The following COL6A3 variants were observed in gnomAD, a reference collection of about 807,000 sequenced individuals.
The protein encoded by COL6A3 is collagen alpha-3(VI) chain.
In COL6A3, 137 loss-of-function variants were observed where a neutral mutation model predicts 274.1. The observed-to-expected ratio is 0.50, with a 90% CI of 0.44 to 0.58. The LOEUF is 0.58. COL6A3 is among the 20% of genes least tolerant of loss of function. The pLI, the probability that COL6A3 is intolerant of heterozygous loss-of-function variation, is 0.00. For missense variants in COL6A3, 3,950 were observed against 4,124.9 expected, an observed-to-expected ratio of 0.96 and a Z score of 1.16; for synonymous variants, 1,650 against 1,650.6, an observed-to-expected ratio of 1.00 and a Z score of 0.01.
chr2:237,376,743 G>A (rs886439585), intron 7 of COL6A3, 29 bp downstream of exon 7: 4 of 1,607,294 alleles, frequency 2.5e-6, no homozygotes, highest in African/African-American at 1.3e-5. Flanking sequence ...GAACTGAGTG[G>A]CAGAGCAACT....
chr2:237,355,760 C>G (rs1319996892), intron 23 of COL6A3: 1 of 152,208 alleles, frequency 6.6e-6, no homozygotes, highest in Non-Finnish European at 1.5e-5. Context: ...CTGCGGTGAC[C>G]AGTTTGCCAT....
At chr2:237,392,268 A>G (rs2078308202) in intron 3 of COL6A3, among the ~76,000 whole-genome samples, 1 of 152,220 alleles carries the variant, frequency 6.6e-6, no homozygotes, top group Non-Finnish European at 1.5e-5. Context: ...TGCTCAAGAC[A>G]GCTAGTTCCT....
At chr2:237,412,234 A>G (rs943620034) in intron 1 of COL6A3, among the ~76,000 whole-genome samples, 2 of 152,208 alleles carry the variant, frequency 1.3e-5, no homozygotes, top group Non-Finnish European at 2.9e-5. Flanking sequence ...CCCCTCCTTC[A>G]GCGCCCTCCA....
Position 237,350,298 on chromosome 2 carries a change from G to T in COL6A3, c.6817-89C>A, listed in dbSNP as rs2077179097. ...CCATGCTTTTGCTCTAGGTAAGGGTGCTGCAACATGCTGACTTCACCTTTG... is the reference window on the plus strand; with the variant it reads ...CCATGCTTTTGCTCTAGGTAAGGGTTCTGCAACATGCTGACTTCACCTTTG... On this transcript the variant is annotated intron_variant, in intron 27 of 43. Coordinates refer to ENST00000295550, the MANE Select transcript of COL6A3 (RefSeq NM_004369.4). 48 of 1,121,652 alleles carry T rather than the reference G, an allele frequency of 4.3e-5. No homozygotes were observed. In the South Asian group the frequency reaches 6.0e-4, roughly 14 times the overall value. 69.5% of individuals were successfully genotyped at this position (1,121,652 alleles called of 1,614,324 possible).
Position 237,388,020 on chromosome 2 carries a change from T to C in COL6A3, c.874A>G (p.Thr292Ala). Reference sequence around the variant, plus strand: ...GAGTAGGTGTCCAAGGAGAACATGGTTCTGGGCTCATCGCTAAACTGGACC... The same window carrying C: ...GAGTAGGTGTCCAAGGAGAACATGGCTCTGGGCTCATCGCTAAACTGGACC... ...GVVQFSDEPR[T>A]MFSLDTYSTK... Residue 292 changes from threonine to alanine, a missense_variant, in exon 4 of 44, where the codon ACC becomes GCC. Coordinates refer to ENST00000295550, the MANE Select transcript of COL6A3 (RefSeq NM_004369.4). 1 of 1,614,140 alleles carries C rather than the reference T, an allele frequency of 6.2e-7. No individual in the cohort carries two copies. Among genetic ancestry groups the C allele is most frequent in the Non-Finnish European group, 8.5e-7 (1 of 1,180,034 alleles).
intron 39 of COL6A3, among the ~76,000 whole-genome samples, chr2:237,337,595 T>C (rs577297424): frequency 6.6e-6 from 1 of 152,338 alleles, no homozygotes; most frequent in Middle Eastern, 3.4e-3. Context: ...TCAAGGATCA[T>C]TTGCGTTCAC....
At chr2:237,359,313 A>G in intron 18 of COL6A3, 49 bp downstream of exon 18, 1 of 1,614,132 alleles carries the variant, frequency 6.2e-7, no homozygotes. Context: ...AAGAAATGAG[A>G]AATACTGGGA....
intron 41 of COL6A3, 69 bp downstream of exon 41, chr2:237,334,557 T>C: frequency 6.6e-7 from 1 of 1,518,082 alleles, no homozygotes; most frequent in South Asian, 1.1e-5. Flanking sequence ...TAAGTAAGTG[T>C]CTCCTTTGTG....
chr2:237,411,973 C>T (rs2078867508), intron 1 of COL6A3, among the ~76,000 whole-genome samples: 1 of 152,200 alleles, frequency 6.6e-6, no homozygotes, highest in East Asian at 1.9e-4. Context: ...AAAGCCAGGA[C>T]AGCCTCACTT....
chr2:237,378,768 T>C lies in COL6A3; in HGVS notation c.2365A>G (p.Ile789Val). The C allele has an allele frequency of 6.2e-7, 1 of 1,614,206 alleles. No individual in the cohort carries two copies. Among genetic ancestry groups the C allele is most frequent in the South Asian group, 1.1e-5 (1 of 91,086 alleles). ...TACACCAGGCTTGGGTTAAAAGCAA[T>C]CTGCTCAAGCTCTGCCTTATTCGCC... ...SQANKAELEQIAFNPSLVYLM... is the reference protein window; with the variant it reads ...SQANKAELEQVAFNPSLVYLM... Residue 789 changes from isoleucine to valine, a missense_variant, in exon 6 of 44, where the codon ATT becomes GTT. This residue lies in a region of COL6A3 where 1,934 missense variants were observed against 1,984.3 expected (regional missense o/e 0.97). Coordinates refer to ENST00000295550, the MANE Select transcript of COL6A3 (RefSeq NM_004369.4).
rs906988514 is a variant in COL6A3, at chr2:237,325,479, A to C, written c.9493+81T>G. On this transcript the variant is annotated intron_variant, in intron 43 of 43. Transcript: ENST00000295550. ...TTTTCACATGTATCATAATCATTGC[A>C]CTTCTAATATTTTTCAAGGTGACTT... The C allele has an allele frequency of 7.7e-6, 11 of 1,420,094 alleles. No homozygotes were observed. The African/African-American group carries it at 1.4e-4, about 18-fold the overall frequency. 88.0% of individuals were successfully genotyped at this position (1,420,094 alleles called of 1,614,324 possible). A position where few individuals can be genotyped will look rare whatever the true frequency, so the allele number is the denominator to read the frequency against.
In COL6A3 at chr2:237,333,486, T is replaced by C. The variant is rs115303741; in HGVS notation, c.9292A>G (p.Met3098Val). ...AGAGCCAATGGTTCTGTGCTCACCA[T>C]TAGATTGATGGTTGAACTAGAAGCT... Reference protein sequence around the residue: ...RSASSSTINLMVSTEPLALTE... With the variant: ...RSASSSTINLVVSTEPLALTE... Residue 3098 changes from methionine to valine, a missense_variant, in exon 42 of 44, where the codon ATG becomes GTG. Met to Val is a conservative substitution (Grantham distance 21). This residue lies in a region of COL6A3 where 1,284 missense variants were observed against 1,349.7 expected (regional missense o/e 0.95). Transcript: ENST00000295550. 4.3e-6 allele frequency: 7 copies of C among 1,614,194 alleles called. No homozygotes were observed. In the East Asian group the frequency reaches 1.1e-4, roughly 26 times the overall value.
chr2:237,356,411 A>C (rs1355245397), intron 23 of COL6A3, among the ~76,000 whole-genome samples: 1 of 152,222 alleles, frequency 6.6e-6, no homozygotes, highest in Non-Finnish European at 1.5e-5. Context: ...ATATTTTCAA[A>C]ATTTCTATTT....
chr2:237,333,032 C>A (rs1700344335), intron 42 of COL6A3: 2 of 316,240 alleles, frequency 6.3e-6, no homozygotes, highest in African/African-American at 2.1e-5. Flanking sequence ...AGATCCAAAC[C>A]CATGCATTTC....
intron 6 of COL6A3, among the ~76,000 whole-genome samples, chr2:237,377,911 C>T (rs2077893954): frequency 6.6e-6 from 1 of 152,356 alleles, no homozygotes; most frequent in African/African-American, 2.4e-5. Flanking sequence ...GTCAATGCTT[C>T]CCAATCTGTT....
chr2:237,394,091 G>A (rs375896376), intron 3 of COL6A3, among the ~76,000 whole-genome samples: 32 of 152,236 alleles, frequency 2.1e-4, no homozygotes, highest in African/African-American at 6.7e-4. Context: ...TTGTAATTCC[G>A]ATTCTACCAA....
rs531229511 is a variant in COL6A3 at position 237,406,163 on chromosome 2, C to T, written c.-31+7790G>A. Among the ~76,000 whole-genome samples the T allele has an allele frequency of 3.3e-5, 5 of 152,286 alleles. No individual in the cohort carries two copies. The South Asian group carries it at 1.0e-3, about 32-fold the overall frequency. On this transcript the variant is annotated intron_variant, in intron 1 of 43. Coordinates refer to ENST00000295550, the MANE Select transcript of COL6A3 (RefSeq NM_004369.4). The stretch of plus-strand genomic sequence containing the variant: ...AGATTGCCCTACATGGCCCTTCAAC[C>T]TGAAATCATATTCAATCATATTCCA...
At chr2:237,382,427 T>A (rs2078032228) in intron 4 of COL6A3, among the ~76,000 whole-genome samples, 1 of 152,014 alleles carries the variant, frequency 6.6e-6, no homozygotes, top group African/African-American at 2.4e-5. Context: ...CTAAGTAATA[T>A]GACAGTGATA....
At position 237,352,702 on chromosome 2, in the gene COL6A3, C is replaced by A. The variant is rs112279150; in HGVS notation, c.6691-118G>T. On this transcript the variant is annotated intron_variant, in intron 25 of 43. Coordinates refer to ENST00000295550, the MANE Select transcript of COL6A3 (RefSeq NM_004369.4). Reference sequence around the variant, plus strand: ...CCTCACTTCTGCTGGCCAAAAACGGCCACCAAAACCCACAATTATCCTGTC... The same window carrying A: ...CCTCACTTCTGCTGGCCAAAAACGGACACCAAAACCCACAATTATCCTGTC... The A allele has an allele frequency of 6.4e-4, 540 of 845,388 alleles. 3 individuals are homozygous for A. In the African/African-American group the frequency reaches 8.3e-3, roughly 13 times the overall value. 52.4% of individuals were successfully genotyped at this position (845,388 alleles called of 1,614,324 possible).
Sources: gnomAD v4.1 joint callset for allele counts (sites outside exome capture counted in the v4.1 genomes callset) on GRCh38, gnomAD v4.1.1 for gene constraint, gnomAD v4.1.1 regional missense constraint, MANE v1.5 for transcripts, NCBI Gene and HGNC (gene_info 2026-07-23, HGNC 2026-07-21) for gene names.